MEIKIN: variants seen among roughly 807,000 people sequenced by gnomAD.
The protein encoded by MEIKIN is meiotic kinetochore factor.
At chr5:131,889,546 T>G (rs1750868526) in intron 8 of MEIKIN, among the ~76,000 whole-genome samples, 1 of 152,248 alleles carries the variant, frequency 6.6e-6, no homozygotes, top group South Asian at 2.1e-4. Context: ...GCTTGTGATT[T>G]TTGCACATTA....
intron 12 of MEIKIN, among the ~76,000 whole-genome samples, chr5:131,810,225 G>T (rs1772927241): frequency 1.3e-5 from 2 of 152,044 alleles, no homozygotes; most frequent in Non-Finnish European, 2.9e-5. Context: ...TCTCACTAAA[G>T]ATAACATATG....
At chr5:131,862,156 A>G (rs931337526) in intron 9 of MEIKIN, among the ~76,000 whole-genome samples, 2 of 151,984 alleles carry the variant, frequency 1.3e-5, no homozygotes, top group African/African-American at 4.8e-5. Flanking sequence ...CAGATTTTCT[A>G]TTTCTTCCTC....
At chr5:131,871,843 T>C (rs182694577) in intron 9 of MEIKIN, among the ~76,000 whole-genome samples, 2 of 152,058 alleles carry the variant, frequency 1.3e-5, no homozygotes, top group Non-Finnish European at 2.9e-5. Context: ...GGTTCACCAA[T>C]ATCCGATGTT....
intron 9 of MEIKIN, among the ~76,000 whole-genome samples, chr5:131,873,898 G>A (rs1750557507): frequency 6.6e-6 from 1 of 152,068 alleles, no homozygotes; most frequent in African/African-American, 2.4e-5. Context: ...ATGACTACTG[G>A]GTAAATAATG....
At chr5:131,841,654 T>C (rs1450293605) in intron 11 of MEIKIN, among the ~76,000 whole-genome samples, 1 of 152,222 alleles carries the variant, frequency 6.6e-6, no homozygotes, top group Non-Finnish European at 1.5e-5. Context: ...GGATAATGAT[T>C]GTAACGAATC....
chr5:131,848,349 C>T (rs1053157801), intron 11 of MEIKIN, among the ~76,000 whole-genome samples: 1 of 152,130 alleles, frequency 6.6e-6, no homozygotes, highest in Non-Finnish European at 1.5e-5. Flanking sequence ...GGTGACATTA[C>T]TGCCAATTCT....
At chr5:131,842,868 T>C (rs1044031395) in intron 11 of MEIKIN, among the ~76,000 whole-genome samples, 4 of 152,208 alleles carry the variant, frequency 2.6e-5, no homozygotes, top group Admixed American at 1.3e-4. Flanking sequence ...CAACCCCACA[T>C]TTTCCCTCCA....
At chr5:131,918,285 T>G (rs1046302910) in intron 6 of MEIKIN, among the ~76,000 whole-genome samples, 1 of 152,238 alleles carries the variant, frequency 6.6e-6, no homozygotes, top group Admixed American at 6.5e-5. Flanking sequence ...GATTTATTGC[T>G]GAATTTTTCA....
At chr5:131,832,036 AT>A in intron 11 of MEIKIN, among the ~76,000 whole-genome samples, 1 of 152,182 alleles carries the variant, frequency 6.6e-6, no homozygotes, top group East Asian at 1.9e-4. Context: ...ATGTCCTCAC[AT>A]TTCAAAGCCA....
At chr5:131,935,686 AC>A (rs983157132) in intron 4 of MEIKIN, among the ~76,000 whole-genome samples, 12 of 152,146 alleles carry the variant, frequency 7.9e-5, no homozygotes, top group African/African-American at 2.9e-4. Context: ...ACTAACTTAC[AC>A]CTATCTCTGC....
rs888863686 is a variant in MEIKIN at position 131,889,668 on chromosome 5, T to C, written c.704-10620A>G. Reference sequence around the variant, plus strand: ...CATGTCATCTGCAAACAGGGACAATTTGACTTCCTCTTTTCCTAATTGAAT... The same window carrying C: ...CATGTCATCTGCAAACAGGGACAATCTGACTTCCTCTTTTCCTAATTGAAT... On this transcript the variant is annotated intron_variant, in intron 8 of 12. Coordinates refer to ENST00000442687, the MANE Select transcript of MEIKIN (RefSeq NM_001303622.2). 2.0e-5 allele frequency among the ~76,000 whole-genome samples: 3 copies of C among 152,326 alleles called. No homozygotes were observed. In the South Asian group the frequency reaches 6.2e-4, roughly 32 times the overall value.
At chr5:131,885,069 C>T (rs906284042) in intron 8 of MEIKIN, among the ~76,000 whole-genome samples, 1 of 152,206 alleles carries the variant, frequency 6.6e-6, no homozygotes, top group Non-Finnish European at 1.5e-5. Flanking sequence ...GGCTCATGGA[C>T]AGCCACTCTG....
chr5:131,822,588 C>T (rs1749534355), intron 11 of MEIKIN, among the ~76,000 whole-genome samples: 1 of 152,086 alleles, frequency 6.6e-6, no homozygotes, highest in African/African-American at 2.4e-5. Flanking sequence ...TAACTTTGTC[C>T]TCTTGCTTTT....
intron 6 of MEIKIN, among the ~76,000 whole-genome samples, chr5:131,919,831 T>G (rs1349166171): frequency 3.9e-5 from 6 of 152,098 alleles, no homozygotes; most frequent in Non-Finnish European, 8.8e-5. Context: ...AAAGTGACAA[T>G]TTTCTGAGAA....
In MEIKIN at chr5:131,920,290, A is replaced by G. The variant is rs1030939172; in HGVS notation, c.598+1532T>C. 3.9e-5 allele frequency among the ~76,000 whole-genome samples: 6 copies of G among 152,312 alleles called. No homozygotes were observed. The East Asian group carries it at 9.6e-4, about 24-fold the overall frequency. ...TAAACAAACAAATGGCAGAAAAGAGAAAGTTCTTCTTTTACAGTAAAATTC... is the reference window on the plus strand; with the variant it reads ...TAAACAAACAAATGGCAGAAAAGAGGAAGTTCTTCTTTTACAGTAAAATTC... On this transcript the variant is annotated intron_variant, in intron 6 of 12. Coordinates refer to ENST00000442687, the MANE Select transcript of MEIKIN (RefSeq NM_001303622.2).
At chr5:131,885,672 G>C (rs1750783186) in intron 8 of MEIKIN, among the ~76,000 whole-genome samples, 1 of 152,104 alleles carries the variant, frequency 6.6e-6, no homozygotes, top group African/African-American at 2.4e-5. Context: ...AACAAGCCCA[G>C]AGTGCAAAAC....
intron 9 of MEIKIN, among the ~76,000 whole-genome samples, chr5:131,858,432 TC>T (rs1174495125): frequency 8.5e-5 from 13 of 152,066 alleles, no homozygotes; most frequent in Non-Finnish European, 1.8e-4. Context: ...TATACAAAAA[TC>T]AAGATGGACT....
chr5:131,880,424 A>G (rs1260392054), intron 8 of MEIKIN, among the ~76,000 whole-genome samples: 3 of 134,204 alleles, frequency 2.2e-5, no homozygotes, highest in Non-Finnish European at 4.8e-5. Flanking sequence ...TTTTTTAAGT[A>G]GAGACGGGGG....
intron 7 of MEIKIN, among the ~76,000 whole-genome samples, chr5:131,913,300 T>C (rs1358082215): frequency 1.3e-5 from 2 of 152,252 alleles, no homozygotes; most frequent in African/African-American, 4.8e-5. Context: ...CCCCCTTCTA[T>C]GGAATCCATA....
Sources: gnomAD v4.1 joint callset for allele counts (sites outside exome capture counted in the v4.1 genomes callset) on GRCh38, gnomAD v4.1.1 for gene constraint, MANE v1.5 for transcripts, NCBI Gene and HGNC (gene_info 2026-07-23, HGNC 2026-07-21) for gene names.